The following NBAS variants were observed in gnomAD, a reference collection of about 807,000 sequenced individuals.
The protein encoded by NBAS is NBAS subunit of NRZ tethering complex.
A neutral mutation model predicts 302.5 loss-of-function variants in NBAS; 219 were observed. That is an observed-to-expected ratio of 0.72 (90% CI 0.65 to 0.81). The LOEUF is 0.81. Among genes scored for constraint, NBAS ranks in the 30% least tolerant of loss-of-function variants. NBAS has a pLI of 0.00. For synonymous variants in NBAS, 1,118 were observed against 1,021.6 expected (o/e 1.09, Z -1.80); for missense variants, 2,932 against 2,841.6 (o/e 1.03, Z -0.72).
At chr2:15,444,811 A>G (rs1443741257) in intron 21 of NBAS, among the ~76,000 whole-genome samples, 1 of 152,218 alleles carries the variant, frequency 6.6e-6, no homozygotes, top group East Asian at 1.9e-4. Flanking sequence ...TTTACAAGAA[A>G]AAAACAAACA....
Position 15,209,247 on chromosome 2 carries a change from T to C in NBAS, c.6432+9526A>G, listed in dbSNP as rs368898961. Among the ~76,000 whole-genome samples the C allele has an allele frequency of 3.9e-5, 6 of 152,046 alleles. No homozygotes were observed. In the East Asian group the frequency reaches 9.7e-4, roughly 24 times the overall value. On this transcript the variant is annotated intron_variant, in intron 48 of 51. Transcript: ENST00000281513. ...CATGCAACCTACCAAGAGTGAACCA[T>C]GAAGAAATCTAAAACCTGAACAGAC... is the stretch of plus-strand genomic sequence containing the variant.
At chr2:15,054,436 T>C in the NBAS span, among the ~76,000 whole-genome samples, 14 of 152,220 alleles carry the variant, frequency 9.2e-5, no homozygotes, top group Admixed American at 2.6e-4. Context: ...CCACTTTACA[T>C]AGCTTTCATT....
intron 21 of NBAS, among the ~76,000 whole-genome samples, chr2:15,429,765 GGTGT>G (rs1222813793): frequency 1.3e-5 from 2 of 152,140 alleles, no homozygotes; most frequent in African/African-American, 2.4e-5. Context: ...GGTTTTTGAA[GGTGT>G]GTGAGTCCAT....
the NBAS span, among the ~76,000 whole-genome samples, chr2:15,002,642 C>T: frequency 6.6e-6 from 1 of 152,222 alleles, no homozygotes; most frequent in Admixed American, 6.5e-5. Flanking sequence ...TGGTGGGAGG[C>T]TCAGGCATGG....
chr2:14,812,461 G>A, the NBAS span, among the ~76,000 whole-genome samples: 1 of 152,160 alleles, frequency 6.6e-6, no homozygotes, highest in Non-Finnish European at 1.5e-5. Context: ...AAAACACCCT[G>A]TACATTTCCC....
the NBAS span, among the ~76,000 whole-genome samples, chr2:14,966,322 GT>G: frequency 5.5e-4 from 84 of 152,288 alleles, no homozygotes; most frequent in African/African-American, 1.9e-3. Flanking sequence ...CTAGGTTAAC[GT>G]TTGAAAATCA....
At chr2:15,188,869 T>C (rs1665211493) in intron 49 of NBAS, among the ~76,000 whole-genome samples, 1 of 152,166 alleles carries the variant, frequency 6.6e-6, no homozygotes, top group Non-Finnish European at 1.5e-5. Context: ...AAATCTACAA[T>C]TCAACTCTAA....
chr2:15,357,664 AC>A (rs1673690723), intron 32 of NBAS, among the ~76,000 whole-genome samples: 2 of 152,208 alleles, frequency 1.3e-5, no homozygotes, highest in South Asian at 4.2e-4. Flanking sequence ...CATTAACAGC[AC>A]CCATGGATCT....
intron 21 of NBAS, among the ~76,000 whole-genome samples, chr2:15,446,844 G>A (rs530972299): frequency 1.6e-3 from 244 of 149,706 alleles, no homozygotes; most frequent in African/African-American, 5.7e-3. Flanking sequence ...ACTATTATAA[G>A]TTAAAGAAGT....
At chr2:15,533,232 T>G (rs933848031) in intron 9 of NBAS, among the ~76,000 whole-genome samples, 1 of 152,208 alleles carries the variant, frequency 6.6e-6, no homozygotes, top group Non-Finnish European at 1.5e-5. Context: ...AAGTTGAAGA[T>G]GTACTAACCT....
intron 44 of NBAS, among the ~76,000 whole-genome samples, chr2:15,249,930 T>C (rs986608624): frequency 3.9e-5 from 6 of 152,156 alleles, no homozygotes; most frequent in Admixed American, 6.5e-5. Context: ...CAAGCTACTG[T>C]TGACTTTCTT....
At chr2:15,216,163 G>C (rs763481807) in intron 48 of NBAS, among the ~76,000 whole-genome samples, 1 of 152,160 alleles carries the variant, frequency 6.6e-6, no homozygotes, top group Non-Finnish European at 1.5e-5. Flanking sequence ...TTTACTTCTT[G>C]GAGAAGACTC....
the NBAS span, among the ~76,000 whole-genome samples, chr2:15,085,914 C>T: frequency 6.6e-6 from 1 of 152,156 alleles, no homozygotes; most frequent in African/African-American, 2.4e-5. Context: ...GTGCTTCGGG[C>T]AGGTCAGTGA....
chr2:14,848,840 T>C, the NBAS span, among the ~76,000 whole-genome samples: 7 of 151,236 alleles, frequency 4.6e-5, no homozygotes, highest in East Asian at 9.7e-4. Flanking sequence ...CGGCAGGGTA[T>C]TCCAACAGAC....
the NBAS span, among the ~76,000 whole-genome samples, chr2:14,989,592 T>C: frequency 6.6e-5 from 10 of 151,636 alleles, no homozygotes; most frequent in African/African-American, 2.4e-4. Context: ...AAAAAGACAA[T>C]GAAATGGTCA....
chr2:15,227,831 A>G (rs1667209240), intron 47 of NBAS, among the ~76,000 whole-genome samples: 1 of 152,248 alleles, frequency 6.6e-6, no homozygotes, highest in African/African-American at 2.4e-5. Flanking sequence ...TATTACAAAT[A>G]TCAACTATAA....
At chr2:14,969,537 C>T in the NBAS span, among the ~76,000 whole-genome samples, 22 of 150,972 alleles carry the variant, frequency 1.5e-4, no homozygotes, top group East Asian at 2.0e-4. Context: ...CCACCATACG[C>T]GGCTAATTTT....
At chr2:15,237,806 G>A (rs1194038406) in intron 45 of NBAS, among the ~76,000 whole-genome samples, 1 of 134,930 alleles carries the variant, frequency 7.4e-6, no homozygotes, top group Admixed American at 8.8e-5. Context: ...ACGGAGTCTC[G>A]CTCTGTCGCC....
At chr2:15,369,936 T>C (rs1163719504) in intron 31 of NBAS, among the ~76,000 whole-genome samples, 1 of 152,182 alleles carries the variant, frequency 6.6e-6, no homozygotes, top group African/African-American at 2.4e-5. Flanking sequence ...TGCAGTCACT[T>C]GGGAATGGCA....
Sources: allele counts gnomAD v4.1 joint callset (sites outside exome capture counted in the v4.1 genomes callset), GRCh38; gene constraint gnomAD v4.1.1; transcripts MANE v1.5; gene names NCBI Gene and HGNC (gene_info 2026-07-23, HGNC 2026-07-21).